Variants in LDB3 observed in about 807,000 individuals in gnomAD.
The protein encoded by LDB3 is LIM domain-binding protein 3.
Under a neutral mutation model 69.0 loss-of-function variants are expected in LDB3, and 49 were observed. The observed-to-expected ratio is 0.71, with a 90% CI of 0.56 to 0.90. The LOEUF (loss-of-function observed/expected upper bound fraction) is 0.90. Ranked by LOEUF, LDB3 falls within the 40% of genes least tolerant of loss-of-function variation. LDB3 has a pLI of 0.00. For missense variants in LDB3, 928 were observed against 974.1 expected (o/e 0.95, Z 0.63); for synonymous variants, 387 against 396.2 (o/e 0.98, Z 0.28).
intron 5 of LDB3, among the ~76,000 whole-genome samples, chr10:86,685,997 G>C (rs1177927015): frequency 6.6e-6 from 1 of 152,028 alleles, no homozygotes; most frequent in African/African-American, 2.4e-5. Context: ...AGGGGGAGGG[G>C]GACACAGGCT....
intron 6 of LDB3, 127 bp downstream of exon 6, chr10:86,692,192 GGT>G: frequency 8.7e-7 from 1 of 1,147,048 alleles, no homozygotes; most frequent in South Asian, 1.5e-5. Flanking sequence ...CAGGCTTGAT[GGT>G]TTGTCAGTGG....
Position 86,732,652 on chromosome 10 carries a change from G to C in LDB3, c.2095-235G>C, listed in dbSNP as rs7899337. 183,138 of 512,070 alleles carry C rather than the reference G, an allele frequency of 0.36. 34,244 individuals carry two copies. Among genetic ancestry groups the C allele is most frequent in the East Asian group, 0.62 (12,777 of 20,688 alleles). 31.7% of individuals were successfully genotyped at this position (512,070 alleles called of 1,614,324 possible). A position where few individuals can be genotyped will look rare whatever the true frequency, so the allele number is the denominator to read the frequency against. The stretch of plus-strand genomic sequence containing the variant: ...GAGTAGCTGGGATTACAGGCACATG[G>C]CAACATGCCCCTGGCTAATTTTTGT... On this transcript the variant is annotated intron_variant, in intron 13 of 13. Coordinates refer to ENST00000361373, the MANE Select transcript of LDB3 (RefSeq NM_007078.3).
intron 10 of LDB3, among the ~76,000 whole-genome samples, 166 bp from the exon 11 acceptor site, chr10:86,717,798 A>G (rs567175678): frequency 3.9e-5 from 6 of 152,254 alleles, no homozygotes; most frequent in Non-Finnish European, 8.8e-5. Flanking sequence ...TGCAACAATG[A>G]ACACCTTTCT....
intron 13 of LDB3, chr10:86,726,597 G>A: frequency 2.6e-6 from 1 of 388,646 alleles, no homozygotes; most frequent in South Asian, 2.2e-5. Context: ...GGCTTCCCAT[G>A]GTTATATGTC....
chr10:86,712,133 G>T (rs1200914344), intron 9 of LDB3, among the ~76,000 whole-genome samples: 1 of 152,078 alleles, frequency 6.6e-6, no homozygotes. Context: ...CGGAGTCGGG[G>T]TTGCGACGGG....
chr10:86,700,866 G>T (rs758204125), intron 7 of LDB3, among the ~76,000 whole-genome samples: 18 of 152,244 alleles, frequency 1.2e-4, no homozygotes, highest in Admixed American at 6.5e-4. Flanking sequence ...TGAAATCACA[G>T]GCTGAGGACA....
intron 5 of LDB3, chr10:86,687,019 G>T: frequency 6.4e-7 from 1 of 1,572,178 alleles, no homozygotes; most frequent in Non-Finnish European, 8.7e-7. Flanking sequence ...GCCACCTGTT[G>T]CCCTTTTCTC....
chr10:86,679,617 G>T, intron 3 of LDB3, 99 bp downstream of exon 3: 2 of 1,344,864 alleles, frequency 1.5e-6, no homozygotes, highest in East Asian at 2.3e-5. Context: ...AGTGGGCCCC[G>T]CCCTGGGCTA....
chr10:86,703,561 ACTCT>A (rs1490143885), intron 7 of LDB3, among the ~76,000 whole-genome samples: 1 of 151,916 alleles, frequency 6.6e-6, no homozygotes, highest in Non-Finnish European at 1.5e-5. Flanking sequence ...GAAGGATGGC[ACTCT>A]CTCTCCCATG....
chr10:86,723,173 G>A (rs988878856), intron 12 of LDB3, among the ~76,000 whole-genome samples: 1 of 150,608 alleles, frequency 6.6e-6, no homozygotes, highest in East Asian at 2.0e-4. Context: ...AGGAGCCTGA[G>A]GTGGGAGGAT....
intron 5 of LDB3, among the ~76,000 whole-genome samples, chr10:86,689,159 TA>T (rs1845643144): frequency 6.6e-6 from 1 of 152,144 alleles, no homozygotes; most frequent in Non-Finnish European, 1.5e-5. Context: ...CCCATTCCCA[TA>T]ACTCGTTTCT....
chr10:86,671,206 G>A (rs1471091759), intron 2 of LDB3, among the ~76,000 whole-genome samples: 1 of 152,234 alleles, frequency 6.6e-6, no homozygotes, highest in East Asian at 1.9e-4. Context: ...CACAGGACAG[G>A]GATGTCCATG....
Position 86,668,582 on chromosome 10 carries a change from G to A in LDB3, c.-24+12G>A, listed in dbSNP as rs902733342. The A allele has an allele frequency of 4.5e-6, 4 of 882,848 alleles. No homozygotes were observed. The highest frequency in any genetic ancestry group is 7.7e-6 in the Non-Finnish European group (4 of 522,086). The allele number at this position is 882,848 out of a possible 1,614,324, so 54.7% of individuals were successfully genotyped here. On this transcript the variant is annotated intron_variant, in intron 1 of 13. Coordinates refer to ENST00000361373, the MANE Select transcript of LDB3 (RefSeq NM_007078.3). ...AAGGGACAGAACAGGCAAGGCTGGGGGTCAGGGGCAGGGGCAGAGGTGTGG... is the reference window on the plus strand; with the variant it reads ...AAGGGACAGAACAGGCAAGGCTGGGAGTCAGGGGCAGGGGCAGAGGTGTGG...
chr10:86,717,897 G>T (rs1314074290), intron 10 of LDB3, 67 bp from the exon 11 acceptor site: 5 of 1,445,378 alleles, frequency 3.5e-6, no homozygotes, highest in Admixed American at 3.5e-5. Context: ...CAGTGTTGGG[G>T]TTCTTCAAAT....
intron 7 of LDB3, chr10:86,700,172 C>T: frequency 1.7e-6 from 1 of 600,232 alleles, no homozygotes; most frequent in Non-Finnish European, 2.1e-6. Context: ...TCCACCGGCC[C>T]CAGGACACAG....
At chr10:86,690,458 C>G (rs1043788721) in intron 5 of LDB3, among the ~76,000 whole-genome samples, 8 of 152,254 alleles carry the variant, frequency 5.3e-5, no homozygotes, top group African/African-American at 1.9e-4. Flanking sequence ...CCCAACCGAT[C>G]CCAACCACAG....
chr10:86,673,361 C>T (rs181522926), intron 2 of LDB3, among the ~76,000 whole-genome samples: 71 of 152,238 alleles, frequency 4.7e-4, no homozygotes, highest in Admixed American at 2.9e-3. Context: ...CAAAGGCAGA[C>T]GGCTGTGTGT....
chr10:86,712,708 T>TA, intron 9 of LDB3, among the ~76,000 whole-genome samples: 1 of 152,224 alleles, frequency 6.6e-6, no homozygotes, highest in Non-Finnish European at 1.5e-5. Context: ...GCCACATTTT[T>TA]AAAAAATAAA....
At chr10:86,732,496 CTGTT>C (rs71487280) in intron 13 of LDB3, 15 of 455,246 alleles carry the variant, frequency 3.3e-5, no homozygotes, top group African/African-American at 1.4e-4. Context: ...TGGGGCAAGG[CTGTT>C]TGTTTGTTTG....
Sources: gnomAD v4.1 joint callset for allele counts (sites outside exome capture counted in the v4.1 genomes callset) on GRCh38, gnomAD v4.1.1 for gene constraint, MANE v1.5 for transcripts, NCBI Gene and HGNC (gene_info 2026-07-23, HGNC 2026-07-21) for gene names.